Variants in MARCHF11 observed in about 807,000 individuals in gnomAD.
MARCHF11 encodes membrane associated ring-CH-type finger 11, also known as E3 ubiquitin-protein ligase MARCHF11.
Under a neutral mutation model 37.3 loss-of-function variants are expected in MARCHF11, and 29 were observed. The ratio of observed to expected loss-of-function variants is 0.78; its 90% CI spans 0.58 to 1.06. The LOEUF is 1.06. Among genes scored for constraint, MARCHF11 ranks in the 50% least tolerant of loss-of-function variants. The pLI is 0.00. For synonymous variants in MARCHF11, 233 were observed against 228.0 expected, an observed-to-expected ratio of 1.02 and a Z score of -0.20; for missense variants, 482 against 533.4, an observed-to-expected ratio of 0.90 and a Z score of 0.95.
chr5:16,178,610 T>A (rs1267452611), intron 1 of MARCHF11, among the ~76,000 whole-genome samples: 1 of 152,218 alleles, frequency 6.6e-6, no homozygotes, highest in Non-Finnish European at 1.5e-5. Flanking sequence ...AAATTTGCAG[T>A]AAGGAAAGAC....
In MARCHF11 at chr5:16,067,769, G is replaced by A. The variant is rs1470909255; in HGVS notation, c.911C>T (p.Ala304Val). The A allele has an allele frequency of 6.2e-7, 1 of 1,612,326 alleles. No homozygotes were observed. Among genetic ancestry groups the A allele is most frequent in the Non-Finnish European group, 8.5e-7 (1 of 1,179,016 alleles). Residue 304 changes from alanine (A) to valine (V), a missense_variant, in exon 4 of 4, where the codon GCA becomes GTA. Coordinates refer to ENST00000332432, the MANE Select transcript of MARCHF11 (RefSeq NM_001102562.3). ...CIGLIVHEGA[A>V]VYRVFKRWRA... ...CCAGCGCTTAAACACTCTGTAAACT[G>A]CAGCTCCTTCATGAACAATGAGACC...
chr5:16,173,341 A>T (rs147102534), intron 2 of MARCHF11, among the ~76,000 whole-genome samples: 1 of 152,212 alleles, frequency 6.6e-6, no homozygotes, highest in East Asian at 1.9e-4. Context: ...ACATGCACCC[A>T]CCTGACAGGG....
chr5:16,130,634 A>T (rs1737501217), intron 2 of MARCHF11, among the ~76,000 whole-genome samples: 1 of 152,174 alleles, frequency 6.6e-6, no homozygotes, highest in South Asian at 2.1e-4. Flanking sequence ...GACAAACAAA[A>T]ATAGCAATTT....
intron 3 of MARCHF11, among the ~76,000 whole-genome samples, chr5:16,071,710 T>C (rs914677593): frequency 6.6e-6 from 1 of 152,206 alleles, no homozygotes; most frequent in African/African-American, 2.4e-5. Flanking sequence ...ACTTACAAAA[T>C]GTATGATCAA....
chr5:16,148,019 C>A (rs1737826966), intron 2 of MARCHF11, among the ~76,000 whole-genome samples: 1 of 152,032 alleles, frequency 6.6e-6, no homozygotes, highest in African/African-American at 2.4e-5. Flanking sequence ...TACATGACAC[C>A]AACACATCAT....
chr5:16,080,972 A>G (rs374950000), intron 3 of MARCHF11, among the ~76,000 whole-genome samples: 5 of 152,306 alleles, frequency 3.3e-5, no homozygotes, highest in East Asian at 3.9e-4. Context: ...CTATGCCTCA[A>G]CAAACATCTT....
chr5:16,128,600 G>A (rs906725166), intron 2 of MARCHF11, among the ~76,000 whole-genome samples: 6 of 152,208 alleles, frequency 3.9e-5, no homozygotes, highest in South Asian at 2.1e-4. Flanking sequence ...TACCACTTAC[G>A]TGATTCTAAG....
In MARCHF11 at chr5:16,179,563, C is replaced by T. The variant is rs1738437604; in HGVS notation, c.13G>A (p.Gly5Ser). The part of the protein sequence containing the change: MSFE[G>S]GHGGSRCRGA... ...CGACACCGACTGCCGCCGTGGCCGC[C>T]CTCAAAGCTCATGGTTGTGCCGCCG... Residue 5 changes from glycine to serine, a missense_variant, in exon 1 of 4, where the codon GGC (glycine) becomes AGC (serine). Coordinates refer to ENST00000332432, the MANE Select transcript of MARCHF11 (RefSeq NM_001102562.3). 9 of 1,186,162 alleles carry T rather than the reference C, an allele frequency of 7.6e-6. No individual in the cohort carries two copies. Among genetic ancestry groups the T allele is most frequent in the African/African-American group, 1.6e-5 (1 of 62,324 alleles). 73.5% of individuals were successfully genotyped at this position (1,186,162 alleles called of 1,614,324 possible). A position where few individuals can be genotyped will look rare whatever the true frequency, so the allele number is the denominator to read the frequency against.
At chr5:16,127,775 T>C (rs916400963) in intron 2 of MARCHF11, among the ~76,000 whole-genome samples, 2 of 152,204 alleles carry the variant, frequency 1.3e-5, no homozygotes, top group Admixed American at 1.3e-4. Flanking sequence ...TACTCTTGAT[T>C]AGGCCTCCAG....
chr5:16,071,492 A>G (rs1736436898), intron 3 of MARCHF11, among the ~76,000 whole-genome samples: 1 of 152,222 alleles, frequency 6.6e-6, no homozygotes, highest in Non-Finnish European at 1.5e-5. Context: ...CATTGAATAA[A>G]CAGTTTTTAA....
intron 2 of MARCHF11, among the ~76,000 whole-genome samples, chr5:16,099,074 T>C (rs922056989): frequency 6.6e-6 from 1 of 152,142 alleles, no homozygotes; most frequent in African/African-American, 2.4e-5. Flanking sequence ...ATAAAAGCCA[T>C]TTTCTTTGTA....
intron 2 of MARCHF11, among the ~76,000 whole-genome samples, chr5:16,171,119 T>C (rs1247801221): frequency 2.6e-5 from 4 of 152,176 alleles, no homozygotes; most frequent in Admixed American, 2.6e-4. Context: ...TTATTTATTA[T>C]TATACTTTAA....
At chr5:16,168,116 T>C (rs914178731) in intron 2 of MARCHF11, among the ~76,000 whole-genome samples, 1 of 152,108 alleles carries the variant, frequency 6.6e-6, no homozygotes, top group African/African-American at 2.4e-5. Context: ...GGATGGTTGG[T>C]GTTTTTACCT....
chr5:16,076,847 A>G (rs1383685681), intron 3 of MARCHF11, among the ~76,000 whole-genome samples: 1 of 152,202 alleles, frequency 6.6e-6, no homozygotes, highest in Non-Finnish European at 1.5e-5. Flanking sequence ...ATCCTCGGCC[A>G]AAGCCAGTCA....
intron 3 of MARCHF11, among the ~76,000 whole-genome samples, chr5:16,087,635 A>T (rs1199398395): frequency 6.6e-6 from 1 of 152,238 alleles, no homozygotes; most frequent in Non-Finnish European, 1.5e-5. Flanking sequence ...TCATCCTTGC[A>T]GAAAGTTATT....
At chr5:16,090,254 A>G (rs1736769839) in intron 3 of MARCHF11, among the ~76,000 whole-genome samples, 1 of 152,204 alleles carries the variant, frequency 6.6e-6, no homozygotes, top group Non-Finnish European at 1.5e-5. Context: ...TCACAGTACT[A>G]GGGAACAACA....
chr5:16,141,625 G>A (rs1737709604), intron 2 of MARCHF11: 1 of 152,220 alleles, frequency 6.6e-6, no homozygotes, highest in African/African-American at 2.4e-5. Flanking sequence ...ACAGCCATTA[G>A]AAGCTAAACA....
At chr5:16,162,203 A>G (rs1738090968) in intron 2 of MARCHF11, among the ~76,000 whole-genome samples, 2 of 151,934 alleles carry the variant, frequency 1.3e-5, no homozygotes, top group South Asian at 4.1e-4. Context: ...CATTTTCACT[A>G]TTCTTTTTCT....
At position 16,111,984 on chromosome 5, in the gene MARCHF11, G is replaced by A. The variant is rs150960961; in HGVS notation, c.694-20903C>T. ...TCCACATGGCATTGAGCCTGCAGGT[G>A]TACAGAAATCAAGAATTGAGGTTTG... On this transcript the variant is annotated intron_variant, in intron 2 of 3. Coordinates refer to ENST00000332432, the MANE Select transcript of MARCHF11 (RefSeq NM_001102562.3). Among the ~76,000 whole-genome samples, 1,325 of 152,322 alleles carry A rather than the reference G, an allele frequency of 8.7e-3. 21 individuals carry two copies. The highest frequency in any genetic ancestry group is 0.03 in the African/African-American group (1,238 of 41,572).
Sources: allele counts gnomAD v4.1 joint callset (sites outside exome capture counted in the v4.1 genomes callset), GRCh38; gene constraint gnomAD v4.1.1; transcripts MANE v1.5; gene names NCBI Gene and HGNC (gene_info 2026-07-23, HGNC 2026-07-21).